The following ZNF662 variants were observed in gnomAD, a reference collection of about 807,000 sequenced individuals.
ZNF662 encodes the protein zinc finger protein 662.
A neutral mutation model predicts 12.4 loss-of-function variants in ZNF662; 14 were observed. The ratio of observed to expected loss-of-function variants is 1.13; its 90% CI spans 0.75 to 1.77. ZNF662 has a LOEUF of 1.77. Among genes scored for constraint, ZNF662 ranks in the 40% most tolerant of loss-of-function variants. The probability of loss-of-function intolerance (pLI) is 0.00; values close to 1 mark genes in which losing one functional copy is unlikely to be tolerated. For missense variants in ZNF662, 550 were observed against 515.6 expected (o/e 1.07, Z -0.65); for synonymous variants, 184 against 176.4 (o/e 1.04, Z -0.34).
rs866481515 is a variant in ZNF662 at position 42,906,853 on chromosome 3, A to G, written c.-94+685A>G. Among the ~76,000 whole-genome samples, 6 of 152,314 alleles carry G rather than the reference A, an allele frequency of 3.9e-5. No homozygotes were observed. The highest frequency in any genetic ancestry group is 7.2e-5 in the African/African-American group (3 of 41,582). On this transcript the variant is annotated intron_variant, in intron 1 of 4. Transcript: ENST00000440367. This position sits in a 1 kb window ranked among gnomAD's most constrained non-coding sequence, Gnocchi z 4.4. ...GGTGAGGAAAGAGTTTGGTTTCCCAATGCAATGGTGAGAGGATCGGAGATG... is the reference window on the plus strand; with the variant it reads ...GGTGAGGAAAGAGTTTGGTTTCCCAGTGCAATGGTGAGAGGATCGGAGATG...
chr3:42,906,287 C>T lies in ZNF662; in HGVS notation c.-94+119C>T. On this transcript the variant is annotated intron_variant, in intron 1 of 4. Coordinates refer to ENST00000440367, the MANE Select transcript of ZNF662 (RefSeq NM_207404.4). The surrounding 1 kb of genome is among the most constrained non-coding windows in gnomAD (Gnocchi z 4.4). ...CCTGCCCAGGTGCAGAGCGCTCTTC[C>T]GCGACCCCAACAGCCTCTGGTCCGG... is the stretch of plus-strand genomic sequence containing the variant. 2 of 1,475,102 alleles carry T rather than the reference C, an allele frequency of 1.4e-6. No individual in the cohort carries two copies. Among genetic ancestry groups the T allele is most frequent in the Non-Finnish European group, 1.8e-6 (2 of 1,104,160 alleles). 91.4% of individuals were successfully genotyped at this position (1,475,102 alleles called of 1,614,324 possible).
Position 42,906,306 on chromosome 3 carries a change from G to T in ZNF662, c.-94+138G>T. The T allele has an allele frequency of 6.6e-7, 1 of 1,516,900 alleles. No individual in the cohort carries two copies. The highest frequency in any genetic ancestry group is 1.2e-5 in the South Asian group (1 of 82,664). 94.0% of individuals were successfully genotyped at this position (1,516,900 alleles called of 1,614,324 possible). On this transcript the variant is annotated intron_variant, in intron 1 of 4. Transcript: ENST00000440367. The surrounding 1 kb of genome is among the most constrained non-coding windows in gnomAD (Gnocchi z 4.4). ...CTCTTCCGCGACCCCAACAGCCTCT[G>T]GTCCGGTCTGGCGCGCCCTCGCTTT... is the stretch of plus-strand genomic sequence containing the variant.
At chr3:42,911,825 CT>C (rs1429433696) in intron 3 of ZNF662, among the ~76,000 whole-genome samples, 3 of 152,096 alleles carry the variant, frequency 2.0e-5, no homozygotes, top group African/African-American at 7.2e-5. Flanking sequence ...GAGTCCATTT[CT>C]TATGGATGCC....
rs774490455 is a variant in ZNF662, at chr3:42,906,396, C to G, written c.-94+228C>G. The G allele has an allele frequency of 2.6e-6, 4 of 1,518,192 alleles. No homozygotes were observed. The African/African-American group carries it at 5.7e-5, about 22-fold the overall frequency. 94.0% of individuals were successfully genotyped at this position (1,518,192 alleles called of 1,614,324 possible). A position where few individuals can be genotyped will look rare whatever the true frequency, so the allele number is the denominator to read the frequency against. ...CGAGCGGGACACGCCTCGGCCTTGT[C>G]CTCGAGCTGCTCCCGGGACAGCCCG... is the stretch of plus-strand genomic sequence containing the variant. On this transcript the variant is annotated intron_variant, in intron 1 of 4. Transcript: ENST00000440367. The surrounding 1 kb of genome is among the most constrained non-coding windows in gnomAD (Gnocchi z 4.4).
chr3:42,914,926 T>G lies in ZNF662; in HGVS notation c.853T>G (p.Phe285Val). 6.2e-7 allele frequency: 1 copy of G among 1,614,218 alleles called. No homozygotes were observed. The highest frequency in any genetic ancestry group is 1.6e-4 in the Middle Eastern group (1 of 6,062). ...PFECKECGKG[F>V]SQNTSLTQHQ... ...TGAATGTAAGGAATGTGGGAAGGGC[T>G]TTAGTCAGAACACAAGCCTTACGCA... Residue 285 changes from phenylalanine to valine, a missense_variant, in exon 5 of 5, where the codon TTT becomes GTT. Coordinates refer to ENST00000440367, the MANE Select transcript of ZNF662 (RefSeq NM_207404.4).
intron 3 of ZNF662, among the ~76,000 whole-genome samples, chr3:42,910,769 G>A (rs1041259035): frequency 2.6e-5 from 4 of 152,156 alleles, no homozygotes; most frequent in African/African-American, 9.7e-5. Flanking sequence ...TTATGTGGGC[G>A]CAGTGTGACT....
intron 1 of ZNF662, 60 bp from the exon 2 acceptor site, chr3:42,907,962 C>T: frequency 1.3e-6 from 2 of 1,594,230 alleles, no homozygotes; most frequent in Admixed American, 1.7e-5. Flanking sequence ...GCCCTGTCTC[C>T]CCTTCCTCTT....
chr3:42,912,662 A>G (rs1172900268), intron 3 of ZNF662, among the ~76,000 whole-genome samples: 5 of 61,890 alleles, frequency 8.1e-5, no homozygotes, highest in African/African-American at 2.6e-4. Context: ...AAATATATAT[A>G]TATATTTTTT....
Position 42,906,983 on chromosome 3 carries a change from G to A in ZNF662, c.-94+815G>A, listed in dbSNP as rs191049550. Among the ~76,000 whole-genome samples, 8 of 152,296 alleles carry A rather than the reference G, an allele frequency of 5.3e-5. No homozygotes were observed. The highest frequency in any genetic ancestry group is 1.0e-4 in the Non-Finnish European group (7 of 68,022). On this transcript the variant is annotated intron_variant, in intron 1 of 4. Coordinates refer to ENST00000440367, the MANE Select transcript of ZNF662 (RefSeq NM_207404.4). The surrounding 1 kb of genome is among the most constrained non-coding windows in gnomAD (Gnocchi z 4.4). Reference sequence around the variant, plus strand: ...ATGTGGACTCTATTAGGCAGACAAAGTTGAGCCAGCCAAAGCCTTGGAGCC... The same window carrying A: ...ATGTGGACTCTATTAGGCAGACAAAATTGAGCCAGCCAAAGCCTTGGAGCC...
At position 42,913,257 on chromosome 3, in the gene ZNF662, T is replaced by A; in HGVS notation, c.208T>A (p.Leu70Ile). Residue 70 changes from leucine (L) to isoleucine (I), a missense_variant, in exon 4 of 5, where the codon TTA becomes ATA. Coordinates refer to ENST00000440367, the MANE Select transcript of ZNF662 (RefSeq NM_207404.4). ...ISHPEQVEEP[L>I]NLKLQGEGPS... ...CCATCCTGAGCAGGTGGAAGAGCCA[T>A]TAAACCTGAAACTGCAAGGAGAGGG... is the stretch of plus-strand genomic sequence containing the variant. 6.2e-7 allele frequency: 1 copy of A among 1,614,088 alleles called. No individual in the cohort carries two copies. The highest frequency in any genetic ancestry group is 8.5e-7 in the Non-Finnish European group (1 of 1,179,958).
intron 2 of ZNF662, chr3:42,908,378 CT>C (rs2125640279): frequency 1.5e-6 from 2 of 1,335,436 alleles, no homozygotes; most frequent in Admixed American, 6.3e-5. Context: ...AACCCCTACC[CT>C]TGTGTTGTGG....
At chr3:42,909,549 A>G (rs1266716308) in intron 3 of ZNF662, among the ~76,000 whole-genome samples, 1 of 151,798 alleles carries the variant, frequency 6.6e-6, no homozygotes, top group Non-Finnish European at 1.5e-5. Context: ...CGCCATCGTC[A>G]TCATGGCCCG....
chr3:42,908,721 G>A (rs2088720862), intron 2 of ZNF662, 72 bp from the exon 3 acceptor site: 1 of 1,546,360 alleles, frequency 6.5e-7, no homozygotes, highest in African/African-American at 1.4e-5. Context: ...TGAAGACACT[G>A]GCCTGGGAGG....
Position 42,918,319 on chromosome 3 carries a change from ACT to A in ZNF662, c.*2969_*2970del, listed in dbSNP as rs924740603. Among the ~76,000 whole-genome samples the A allele has an allele frequency of 2.6e-5, 4 of 151,840 alleles. No individual in the cohort carries two copies. Among genetic ancestry groups the A allele is most frequent in the South Asian group, 2.1e-4 (1 of 4,808 alleles). On this transcript the variant is annotated 3_prime_UTR_variant, in exon 5 of 5. Coordinates refer to ENST00000440367, the MANE Select transcript of ZNF662 (RefSeq NM_207404.4). ...CAGAATTTATTAAGTGAAAAGGAAA[ACT>A]CTCAACAAAAAGAGGGGTCCTGCAT...
chr3:42,914,367 G>A lies in ZNF662; in HGVS notation c.294G>A (p.Lys98=), dbSNP rs563797609. The A allele has an allele frequency of 1.2e-5, 20 of 1,606,814 alleles. No homozygotes were observed. The South Asian group carries it at 1.8e-4, about 14-fold the overall frequency. ...LKRKKEDFIL[K]EEIIEEAQDL... ...GGAAGAAAGAAGATTTTATTCTGAA[G>A]GAGGAAATTATTGAGGAAGCACAGG... The change falls in exon 5 of 5, where the codon AAG becomes AAA. Residue 98 remains lysine, a synonymous_variant. Transcript: ENST00000440367.
chr3:42,913,159 C>T (rs1450332361), intron 3 of ZNF662, 42 bp from the exon 4 acceptor site: 4 of 1,477,354 alleles, frequency 2.7e-6, no homozygotes, highest in Non-Finnish European at 3.8e-6. Flanking sequence ...GGGCCTCACT[C>T]TTCTGACTGA....
intron 1 of ZNF662, chr3:42,907,510 A>G: frequency 5.0e-6 from 1 of 200,480 alleles, no homozygotes; most frequent in Non-Finnish European, 8.9e-6. Context: ...GCCAGAGTCA[A>G]ACAGGCCTGG....
rs1165235985 is a variant in ZNF662, at chr3:42,917,895, T to C, written c.*2541T>C. On this transcript the variant is annotated 3_prime_UTR_variant, in exon 5 of 5. Coordinates refer to ENST00000440367, the MANE Select transcript of ZNF662 (RefSeq NM_207404.4). ...GCCAAGGTGGGCAGATCACCTGAGA[T>C]TGGGAGTTCAAGACCAGCCTGACCA... is the stretch of plus-strand genomic sequence containing the variant. 6.6e-6 allele frequency among the ~76,000 whole-genome samples: 1 copy of C among 152,164 alleles called. No homozygotes were observed. Among genetic ancestry groups the C allele is most frequent in the African/African-American group, 2.4e-5 (1 of 41,430 alleles).
At position 42,908,023 on chromosome 3, in the gene ZNF662, A is replaced by G. The variant is rs756074104; in HGVS notation, c.-92A>G. 6.2e-7 allele frequency: 1 copy of G among 1,614,114 alleles called. No homozygotes were observed. The highest frequency in any genetic ancestry group is 1.1e-5 in the South Asian group (1 of 91,070). On this transcript the variant is annotated splice_region_variant and 5_prime_UTR_variant, in exon 2 of 5. Coordinates refer to ENST00000440367, the MANE Select transcript of ZNF662 (RefSeq NM_207404.4). ...GCATTTAAACACATGTTGTTTCAGG[A>G]GTCAGTGACCTTCGAGGATGTGGCC...
Sources: allele counts gnomAD v4.1 joint callset (sites outside exome capture counted in the v4.1 genomes callset), GRCh38; gene constraint gnomAD v4.1.1; non-coding constraint Gnocchi (gnomAD v3.1); transcripts MANE v1.5; gene names NCBI Gene and HGNC (gene_info 2026-07-23, HGNC 2026-07-21).